Variants in PRKG1 observed in about 807,000 individuals in gnomAD.
PRKG1 encodes the protein protein kinase cGMP-dependent 1.
A neutral mutation model predicts 88.1 loss-of-function variants in PRKG1; 35 were observed. The ratio of observed to expected loss-of-function variants is 0.40; its 90% CI spans 0.30 to 0.53. The LOEUF (loss-of-function observed/expected upper bound fraction) is 0.53. Ranked by LOEUF, PRKG1 falls within the 20% of genes least tolerant of loss-of-function variation. The pLI is 0.59. For missense variants in PRKG1, 540 were observed against 839.8 expected (o/e 0.64, Z 4.41); for synonymous variants, 303 against 292.5 (o/e 1.04, Z -0.37).
chr10:51,066,476 G>T (rs1056499453), intron 1 of PRKG1, among the ~76,000 whole-genome samples: 2 of 152,104 alleles, frequency 1.3e-5, no homozygotes, highest in African/African-American at 4.8e-5. Flanking sequence ...GTGTGTTCTT[G>T]TCTCAGATAT....
chr10:51,137,278 G>A (rs1242894817), intron 1 of PRKG1, among the ~76,000 whole-genome samples: 1 of 152,088 alleles, frequency 6.6e-6, no homozygotes, highest in Admixed American at 6.5e-5. Context: ...GTGCAGAAAC[G>A]TTTAGGTTTA....
At chr10:51,621,825 T>C (rs900386079) in intron 3 of PRKG1, among the ~76,000 whole-genome samples, 2 of 152,224 alleles carry the variant, frequency 1.3e-5, no homozygotes, top group Non-Finnish European at 2.9e-5. Context: ...TATTTACACT[T>C]CTTAAAATTT....
intron 3 of PRKG1, among the ~76,000 whole-genome samples, chr10:51,476,498 A>T (rs1416944644): frequency 6.6e-6 from 1 of 152,060 alleles, no homozygotes; most frequent in Non-Finnish European, 1.5e-5. Flanking sequence ...AATTCCTTCC[A>T]CTTCCAGAAG....
chr10:51,180,148 G>T (rs754927170), intron 2 of PRKG1, among the ~76,000 whole-genome samples: 1 of 152,096 alleles, frequency 6.6e-6, no homozygotes, highest in Admixed American at 6.5e-5. Context: ...TATAATGCAC[G>T]GGGCAAATAC....
At position 51,269,338 on chromosome 10, in the gene PRKG1, T is replaced by C. The variant is rs569754594; in HGVS notation, c.478+116008T>C. Among the ~76,000 whole-genome samples the C allele has an allele frequency of 1.2e-4, 18 of 152,162 alleles. 1 individual carries two copies. In the South Asian group the frequency reaches 3.7e-3, roughly 32 times the overall value. The stretch of plus-strand genomic sequence containing the variant: ...TGGAGATTCCTTAAATAACTAAAAA[T>C]AGAATACCATTTAATCCACTACTGG... On this transcript the variant is annotated intron_variant, in intron 2 of 17. Transcript: ENST00000373980.
chr10:51,244,368 GC>G (rs2132129645), intron 2 of PRKG1, among the ~76,000 whole-genome samples: 1 of 141,614 alleles, frequency 7.1e-6, no homozygotes, highest in East Asian at 2.0e-4. Context: ...ATGATTTGTT[GC>G]AGGTAGCCTG....
chr10:51,626,226 A>G (rs534143402), intron 3 of PRKG1, among the ~76,000 whole-genome samples: 55 of 152,308 alleles, frequency 3.6e-4, no homozygotes, highest in Middle Eastern at 3.4e-3. Context: ...TGAAAACTGG[A>G]TGACTGATAT....
At chr10:52,252,884 T>G (rs1841209743) in intron 10 of PRKG1, 1 of 152,032 alleles carries the variant, frequency 6.6e-6, no homozygotes, top group South Asian at 2.1e-4. Context: ...ACCTCTTGCT[T>G]TTCTGAACCC....
chr10:52,203,013 C>T (rs1267754441), intron 9 of PRKG1, among the ~76,000 whole-genome samples: 1 of 152,008 alleles, frequency 6.6e-6, no homozygotes, highest in Admixed American at 6.6e-5. Flanking sequence ...TCTCAGTTTT[C>T]TTCAGTTCAG....
In PRKG1 at chr10:52,235,824, CA is replaced by C. The variant is rs1320389045; in HGVS notation, c.1077-15745del. Among the ~76,000 whole-genome samples, 7 of 127,740 alleles carry C rather than the reference CA, an allele frequency of 5.5e-5. No individual in the cohort carries two copies. The Middle Eastern group carries it at 0.011, about 206-fold the overall frequency. The allele number at this position is 127,740 out of a possible 152,430, so 83.8% of individuals were successfully genotyped here. A position where few individuals can be genotyped will look rare whatever the true frequency, so the allele number is the denominator to read the frequency against. On this transcript the variant is annotated intron_variant, in intron 9 of 17. Coordinates refer to ENST00000373980, the MANE Select transcript of PRKG1 (RefSeq NM_006258.4). ...CTCTGCACCAAGCGGACCTAATAGACATCTGCAGAACTCTCCACCCCAAATC... is the reference window on the plus strand; with the variant it reads ...CTCTGCACCAAGCGGACCTAATAGACTCTGCAGAACTCTCCACCCCAAATC...
chr10:52,215,722 C>A (rs968328408), intron 9 of PRKG1, among the ~76,000 whole-genome samples: 20 of 152,072 alleles, frequency 1.3e-4, no homozygotes, highest in African/African-American at 4.8e-4. Flanking sequence ...TATTAATATA[C>A]ATTTTTATAA....
chr10:51,240,178 TA>T (rs1337385632), intron 2 of PRKG1, among the ~76,000 whole-genome samples: 2 of 152,206 alleles, frequency 1.3e-5, no homozygotes, highest in Non-Finnish European at 2.9e-5. Flanking sequence ...AATTGTTAAA[TA>T]AAAAATAGAT....
At chr10:50,993,051 A>G (rs754717808) in intron 1 of PRKG1, among the ~76,000 whole-genome samples, 2 of 152,212 alleles carry the variant, frequency 1.3e-5, no homozygotes, top group Non-Finnish European at 2.9e-5. Flanking sequence ...CATCCAGGTC[A>G]GCTCCAGGGC....
At chr10:51,229,531 A>G (rs1468462466) in intron 2 of PRKG1, among the ~76,000 whole-genome samples, 1 of 152,212 alleles carries the variant, frequency 6.6e-6, no homozygotes, top group Non-Finnish European at 1.5e-5. Flanking sequence ...TCCTCACTCT[A>G]CAAGTTTGCT....
intron 3 of PRKG1, among the ~76,000 whole-genome samples, chr10:51,737,605 G>C (rs943962170): frequency 2.6e-5 from 4 of 152,034 alleles, no homozygotes; most frequent in African/African-American, 2.4e-5. Context: ...TGCCTGGTTT[G>C]TGCAAGTCAT....
rs1295869876 is a variant in PRKG1, at chr10:51,737,734, TTTATTAATTATTATTATTATTA to T, written c.593-66844_593-66823del. Among the ~76,000 whole-genome samples the T allele has an allele frequency of 6.8e-3, 950 of 140,270 alleles. 7 individuals are homozygous for T. The highest frequency in any genetic ancestry group is 0.012 in the South Asian group (51 of 4,432). 92.0% of individuals were successfully genotyped at this position (140,270 alleles called of 152,430 possible). On this transcript the variant is annotated intron_variant, in intron 3 of 17. Coordinates refer to ENST00000373980, the MANE Select transcript of PRKG1 (RefSeq NM_006258.4). Reference sequence around the variant, plus strand: ...ATTTATTTATTTATTTATTTATTTATTTATTAATTATTATTATTATTATTATTATTATTATTATTATTTTCTG... The same window carrying T: ...ATTTATTTATTTATTTATTTATTTATTTATTATTATTATTATTATTTTCTG...
At chr10:52,145,613 A>T (rs1168779406) in intron 8 of PRKG1, among the ~76,000 whole-genome samples, 1 of 152,162 alleles carries the variant, frequency 6.6e-6, no homozygotes, top group Non-Finnish European at 1.5e-5. Flanking sequence ...CAATCAGTTT[A>T]AAAATTCACT....
At chr10:51,032,835 A>AT (rs533680781) in intron 1 of PRKG1, among the ~76,000 whole-genome samples, 2 of 152,042 alleles carry the variant, frequency 1.3e-5, no homozygotes, top group Admixed American at 6.6e-5. Flanking sequence ...TCTTATTGAA[A>AT]TTTTTTTTAA....
chr10:52,021,436 A>G (rs1459735660), intron 5 of PRKG1, among the ~76,000 whole-genome samples: 1 of 152,184 alleles, frequency 6.6e-6, no homozygotes, highest in South Asian at 2.1e-4. Flanking sequence ...AATGAATAGG[A>G]TAGTAAATAT....
Sources: allele counts gnomAD v4.1 joint callset (sites outside exome capture counted in the v4.1 genomes callset), GRCh38; gene constraint gnomAD v4.1.1; transcripts MANE v1.5; gene names NCBI Gene and HGNC (gene_info 2026-07-23, HGNC 2026-07-21).